GPR39: variants seen among roughly 807,000 people sequenced by gnomAD.
The protein encoded by GPR39 is zinc sensing receptor.
GPR39 carries 23 observed loss-of-function variants against 18.4 expected under a neutral mutation model. The ratio of observed to expected loss-of-function variants is 1.25; its 90% CI spans 0.90 to 1.77. The LOEUF (loss-of-function observed/expected upper bound fraction) is 1.77. Ranked by LOEUF, GPR39 falls within the 40% of genes most tolerant of loss-of-function variation. The probability of loss-of-function intolerance (pLI) is 0.00; values close to 1 mark genes in which losing one functional copy is unlikely to be tolerated. For missense variants in GPR39, 647 were observed against 602.4 expected (o/e 1.07, Z -0.78); for synonymous variants, 280 against 257.9 (o/e 1.09, Z -0.82).
At chr2:132,547,502 T>C (rs1029614015) in intron 1 of GPR39, among the ~76,000 whole-genome samples, 5 of 152,312 alleles carry the variant, frequency 3.3e-5, no homozygotes, top group African/African-American at 9.6e-5. Flanking sequence ...GGTCTGATGG[T>C]TTTTAATTCT....
At chr2:132,453,696 A>C (rs1680669176) in intron 1 of GPR39, among the ~76,000 whole-genome samples, 1 of 152,228 alleles carries the variant, frequency 6.6e-6, no homozygotes, top group Admixed American at 6.5e-5. Flanking sequence ...CTTTCTGCAT[A>C]TGGCTAGTCA....
At position 132,640,779 on chromosome 2, in the gene GPR39, C is replaced by T. The variant is rs183146716; in HGVS notation, c.857-4322C>T. ...GTAGCTGGGCTAGAGTAGAGCCAAT[C>T]GCAAACAGCCAGAATAGAAAGTTAC... On this transcript the variant is annotated intron_variant, in intron 1 of 1. Transcript: ENST00000329321. Among the ~76,000 whole-genome samples, 22 of 152,276 alleles carry T rather than the reference C, an allele frequency of 1.4e-4. No homozygotes were observed. The East Asian group carries it at 2.7e-3, about 19-fold the overall frequency.
At position 132,645,291 on chromosome 2, in the gene GPR39, G is replaced by T; in HGVS notation, c.1047G>T (p.Gln349His). The T allele has an allele frequency of 6.2e-7, 1 of 1,614,198 alleles. No individual in the cohort carries two copies. The highest frequency in any genetic ancestry group is 8.5e-7 in the Non-Finnish European group (1 of 1,180,032). ...INPLLYTVSS[Q>H]QFRRVFVQVL... is the part of the protein sequence containing the mutation. ...CGCTCCTGTACACGGTGTCCTCGCAGCAGTTTCGGCGGGTGTTCGTGCAGG... is the reference window on the plus strand; with the variant it reads ...CGCTCCTGTACACGGTGTCCTCGCATCAGTTTCGGCGGGTGTTCGTGCAGG... The change falls in exon 2 of 2, where the codon CAG becomes CAT. Residue 349 changes from glutamine to histidine, a missense_variant. By Grantham distance (24) the Gln-to-His change is conservative. Transcript: ENST00000329321.
chr2:132,421,107 T>A (rs1329813694), intron 1 of GPR39, among the ~76,000 whole-genome samples: 1 of 152,190 alleles, frequency 6.6e-6, no homozygotes, highest in African/African-American at 2.4e-5. Flanking sequence ...GAACTGATAA[T>A]TTGATTATCT....
chr2:132,440,116 A>G (rs1680407208), intron 1 of GPR39, among the ~76,000 whole-genome samples: 1 of 152,146 alleles, frequency 6.6e-6, no homozygotes, highest in Non-Finnish European at 1.5e-5. Context: ...CCCTAGTCCT[A>G]GAGAAATATT....
At chr2:132,437,302 CTGAAGCCAGTA>C (rs1680342573) in intron 1 of GPR39, among the ~76,000 whole-genome samples, 3 of 152,220 alleles carry the variant, frequency 2.0e-5, no homozygotes, top group Admixed American at 2.0e-4. Context: ...AAATGCCAAT[CTGAAGCCAGTA>C]AACTGAGTTT....
intron 1 of GPR39, among the ~76,000 whole-genome samples, chr2:132,531,751 T>A (rs924691646): frequency 2.0e-5 from 3 of 152,200 alleles, no homozygotes; most frequent in Non-Finnish European, 4.4e-5. Context: ...GAATGACTAC[T>A]GGGGACATAA....
chr2:132,629,803 G>C (rs1009166811), intron 1 of GPR39, among the ~76,000 whole-genome samples: 1 of 152,140 alleles, frequency 6.6e-6, no homozygotes, highest in Non-Finnish European at 1.5e-5. Flanking sequence ...TCTGGAGGAG[G>C]GTGTGGGATT....
chr2:132,456,847 C>A (rs13017008), intron 1 of GPR39, among the ~76,000 whole-genome samples: 1 of 152,172 alleles, frequency 6.6e-6, no homozygotes, highest in Admixed American at 6.5e-5. Flanking sequence ...CCGAGAGATC[C>A]GCTGTTAGTC....
chr2:132,525,655 G>C (rs752224907), intron 1 of GPR39, among the ~76,000 whole-genome samples: 39 of 152,328 alleles, frequency 2.6e-4, no homozygotes, highest in Admixed American at 7.8e-4. Context: ...TGGAGGAATG[G>C]GACTTCCCTT....
chr2:132,615,706 C>T (rs1360097065), intron 1 of GPR39, among the ~76,000 whole-genome samples: 1 of 152,196 alleles, frequency 6.6e-6, no homozygotes, highest in Non-Finnish European at 1.5e-5. Flanking sequence ...TTACTTCTCC[C>T]TTTAGCCGTA....
At chr2:132,597,590 C>T (rs759860478) in intron 1 of GPR39, among the ~76,000 whole-genome samples, 1 of 152,220 alleles carries the variant, frequency 6.6e-6, no homozygotes, top group Non-Finnish European at 1.5e-5. Context: ...CTCTTGGAAG[C>T]CCTGCCTCAC....
intron 1 of GPR39, among the ~76,000 whole-genome samples, chr2:132,494,752 C>T (rs958217224): frequency 3.3e-5 from 5 of 152,082 alleles, no homozygotes; most frequent in Middle Eastern, 6.3e-3. Context: ...TTTTTTTATC[C>T]TCATCTTATT....
chr2:132,585,948 G>GT (rs397985921), intron 1 of GPR39, among the ~76,000 whole-genome samples: 1,454 of 62,940 alleles, frequency 0.023, 92 homozygotes, highest in African/African-American at 0.096. Context: ...AGCATCCCCG[G>GT]TTTTTTTTTT....
intron 1 of GPR39, among the ~76,000 whole-genome samples, chr2:132,455,735 T>G (rs973463923): frequency 1.4e-4 from 22 of 152,224 alleles, no homozygotes; most frequent in Admixed American, 1.2e-3. Context: ...CATTTTGTTA[T>G]GTACCCAGTA....
intron 1 of GPR39, among the ~76,000 whole-genome samples, chr2:132,465,313 A>G (rs770303000): frequency 1.3e-5 from 2 of 152,232 alleles, no homozygotes; most frequent in Non-Finnish European, 2.9e-5. Context: ...CTTCTAAACC[A>G]GGTGTCGTCC....
intron 1 of GPR39, among the ~76,000 whole-genome samples, chr2:132,543,311 A>C (rs569417430): frequency 6.6e-6 from 1 of 152,272 alleles, no homozygotes; most frequent in East Asian, 1.9e-4. Flanking sequence ...GAGACACTCC[A>C]TATTGATTTA....
intron 1 of GPR39, among the ~76,000 whole-genome samples, chr2:132,576,124 G>A (rs763486295): frequency 6.6e-6 from 1 of 152,198 alleles, no homozygotes; most frequent in Non-Finnish European, 1.5e-5. Context: ...AACAGACAAT[G>A]ACTGTCTTTT....
chr2:132,611,469 G>A (rs927595276), intron 1 of GPR39, among the ~76,000 whole-genome samples: 13 of 152,164 alleles, frequency 8.5e-5, no homozygotes, highest in African/African-American at 2.7e-4. Context: ...AAATTTAGGC[G>A]AGAAATCAGT....
Sources: gnomAD v4.1 joint callset for allele counts (sites outside exome capture counted in the v4.1 genomes callset) on GRCh38, gnomAD v4.1.1 for gene constraint, MANE v1.5 for transcripts, NCBI Gene and HGNC (gene_info 2026-07-23, HGNC 2026-07-21) for gene names.